The following PPT1 variants were observed in gnomAD, a reference collection of about 807,000 sequenced individuals.
PPT1 encodes palmitoyl-protein thioesterase 1.
Under a neutral mutation model 44.0 loss-of-function variants are expected in PPT1, and 24 were observed. The ratio of observed to expected loss-of-function variants is 0.54; its 90% CI spans 0.39 to 0.77. The LOEUF is 0.77. PPT1 is among the 30% of genes least tolerant of loss of function. The pLI is 0.00. For synonymous variants in PPT1, 148 were observed against 140.2 expected, an observed-to-expected ratio of 1.06 and a Z score of -0.39; for missense variants, 341 against 378.8, an observed-to-expected ratio of 0.90 and a Z score of 0.83.
intron 5 of PPT1, among the ~76,000 whole-genome samples, chr1:40,087,009 C>A (rs184503832): frequency 6.6e-6 from 1 of 152,156 alleles, no homozygotes; most frequent in Admixed American, 6.6e-5. Flanking sequence ...AAAATGATTT[C>A]TCTTTATTAC....
Position 40,074,121 on chromosome 1 carries a change from C to T in PPT1, c.861G>A (p.Gly287=), listed in dbSNP as rs1400950640. ...ATTCTTCAGACAACTGAAGATGGTC[C>T]CCTTCTGTAGCCAGAAACACTAGCT... ...AGQLVFLATE[G]DHLQLSEEWF... The change falls in exon 9 of 9, where the codon GGG becomes GGA. Residue 287 remains glycine, a synonymous_variant. Transcript: ENST00000642050. 1 of 1,613,992 alleles carries T rather than the reference C, an allele frequency of 6.2e-7. No individual in the cohort carries two copies. Among genetic ancestry groups the T allele is most frequent in the East Asian group, 2.2e-5 (1 of 44,892 alleles).
chr1:40,094,811 C>T (rs905723383), intron 1 of PPT1, among the ~76,000 whole-genome samples: 8 of 152,194 alleles, frequency 5.3e-5, no homozygotes, highest in East Asian at 1.9e-4. Context: ...CTGAAAACAA[C>T]GTTCTCCACA....
intron 7 of PPT1, among the ~76,000 whole-genome samples, chr1:40,077,141 G>A (rs1054844397): frequency 6.6e-5 from 10 of 152,196 alleles, no homozygotes; most frequent in Non-Finnish European, 1.5e-4. Context: ...CAGAATTTCT[G>A]CTTCCTAAAA....
Position 40,073,969 on chromosome 1 carries a change from C to T in PPT1, c.*92G>A. 1 of 1,541,934 alleles carries T rather than the reference C, an allele frequency of 6.5e-7. No individual in the cohort carries two copies. Among genetic ancestry groups the T allele is most frequent in the East Asian group, 2.2e-5 (1 of 44,472 alleles). ...TAGAAGGATTAGTTGCAAGCTGGAT[C>T]TGAGCTCAGGCTTGGGCATGAAGGA... On this transcript the variant is annotated 3_prime_UTR_variant, in exon 9 of 9. Coordinates refer to ENST00000642050, the MANE Select transcript of PPT1 (RefSeq NM_000310.4).
chr1:40,073,956 T>C lies in PPT1; in HGVS notation c.*105A>G. 2 of 1,471,654 alleles carry C rather than the reference T, an allele frequency of 1.4e-6. No homozygotes were observed. Among genetic ancestry groups the C allele is most frequent in the Non-Finnish European group, 1.9e-6 (2 of 1,059,028 alleles). 91.2% of individuals were successfully genotyped at this position (1,471,654 alleles called of 1,614,324 possible). A position where few individuals can be genotyped will look rare whatever the true frequency, so the allele number is the denominator to read the frequency against. On this transcript the variant is annotated 3_prime_UTR_variant, in exon 9 of 9. Transcript: ENST00000642050. The stretch of plus-strand genomic sequence containing the variant: ...GCATGTTAGATGATAGAAGGATTAG[T>C]TGCAAGCTGGATCTGAGCTCAGGCT...
Position 40,078,629 on chromosome 1 carries a change from C to G in PPT1, c.657G>C (p.Leu219=), listed in dbSNP as rs773591614. ...CCATCACAAACTTCTTCAGGGCCAT[C>G]AGGTTTTTCTTGTAGGACTCATTGA... The part of the protein sequence containing the change: ...RGINESYKKN[L]MALKKFVMVK... The change falls in exon 7 of 9, where the codon CTG becomes CTC. Residue 219 remains leucine, a synonymous_variant. Transcript: ENST00000642050. The G allele has an allele frequency of 1.0e-4, 162 of 1,613,782 alleles. No individual in the cohort carries two copies. Among genetic ancestry groups the G allele is most frequent in the Non-Finnish European group, 1.0e-4 (121 of 1,179,870 alleles).
chr1:40,090,095 C>T (rs1649472164), intron 4 of PPT1, among the ~76,000 whole-genome samples: 1 of 152,194 alleles, frequency 6.6e-6, no homozygotes, highest in South Asian at 2.1e-4. Context: ...CCAGAGCCCA[C>T]TCCTTTAAGC....
intron 5 of PPT1, 60 bp downstream of exon 5, chr1:40,089,350 G>C: frequency 7.9e-7 from 1 of 1,271,362 alleles, no homozygotes; most frequent in Non-Finnish European, 1.1e-6. Context: ...GAGCATGAAA[G>C]TCAGCATGAT....
At position 40,073,997 on chromosome 1, in the gene PPT1, C is replaced by CT; in HGVS notation, c.*63dup. 2 of 1,604,176 alleles carry CT rather than the reference C, an allele frequency of 1.2e-6. No homozygotes were observed. The highest frequency in any genetic ancestry group is 3.3e-5 in the Admixed American group (2 of 59,984). Reference sequence around the variant, plus strand: ...AGCTCAGGCTTGGGCATGAAGGAAACTGTCTCCCATGTGGTTTGGAAGAGT... The same window carrying CT: ...AGCTCAGGCTTGGGCATGAAGGAAACTTGTCTCCCATGTGGTTTGGAAGAGT... On this transcript the variant is annotated 3_prime_UTR_variant, in exon 9 of 9. Coordinates refer to ENST00000642050, the MANE Select transcript of PPT1 (RefSeq NM_000310.4).
chr1:40,080,348 A>G, intron 6 of PPT1, 49 bp downstream of exon 6: 1 of 1,554,312 alleles, frequency 6.4e-7, no homozygotes, highest in Admixed American at 1.7e-5. Flanking sequence ...ATGAAGACCT[A>G]AACAGGAAAA....
intron 1 of PPT1, among the ~76,000 whole-genome samples, chr1:40,094,439 G>C (rs79752328): frequency 6.6e-6 from 1 of 152,008 alleles, no homozygotes; most frequent in Non-Finnish European, 1.5e-5. Context: ...CTGCTGTGTG[G>C]CTAGTTCCTA....
chr1:40,085,717 T>G (rs1282292133), intron 5 of PPT1, among the ~76,000 whole-genome samples: 2 of 152,148 alleles, frequency 1.3e-5, no homozygotes, highest in African/African-American at 4.8e-5. Context: ...AGGCATGTAC[T>G]TTTTTTAGGC....
At chr1:40,089,609 A>G (rs1649450218) in intron 4 of PPT1, 97 bp from the exon 5 acceptor site, 1 of 865,910 alleles carries the variant, frequency 1.2e-6, no homozygotes, top group Admixed American at 1.9e-5. Flanking sequence ...GAACAGGACC[A>G]AACTCTGATT....
Position 40,073,674 on chromosome 1 carries a change from TC to T in PPT1, c.*386del, listed in dbSNP as rs1181365637. On this transcript the variant is annotated 3_prime_UTR_variant, in exon 9 of 9. Coordinates refer to ENST00000642050, the MANE Select transcript of PPT1 (RefSeq NM_000310.4). The stretch of plus-strand genomic sequence containing the variant: ...TGTGAGTACCTCAGGCCTGGGCACC[TC>T]TTTGCTTGAAATATGGCAAGACTTG... 1.6e-5 allele frequency: 4 copies of T among 249,196 alleles called. No individual in the cohort carries two copies. The highest frequency in any genetic ancestry group is 9.0e-5 in the African/African-American group (4 of 44,338). 15.4% of individuals were successfully genotyped at this position (249,196 alleles called of 1,614,324 possible). A position where few individuals can be genotyped will look rare whatever the true frequency, so the allele number is the denominator to read the frequency against.
chr1:40,089,623 T>C, intron 4 of PPT1, 111 bp from the exon 5 acceptor site: 1 of 783,616 alleles, frequency 1.3e-6, no homozygotes, highest in Non-Finnish European at 2.2e-6. Context: ...TCTGATTTCA[T>C]TCACTTATTC....
chr1:40,075,347 T>G (rs1258845518), intron 8 of PPT1: 1 of 152,180 alleles, frequency 6.6e-6, no homozygotes, highest in Non-Finnish European at 1.5e-5. Flanking sequence ...ACCCATAGCC[T>G]AGATGCTGGA....
At chr1:40,075,923 T>C (rs1231570305) in intron 8 of PPT1, among the ~76,000 whole-genome samples, 1 of 116,252 alleles carries the variant, frequency 8.6e-6, no homozygotes, top group Non-Finnish European at 1.6e-5. Flanking sequence ...ATCACACCAT[T>C]GCACTCCAGC....
chr1:40,082,621 T>C (rs558241559), intron 5 of PPT1, among the ~76,000 whole-genome samples: 4 of 152,212 alleles, frequency 2.6e-5, no homozygotes, highest in South Asian at 4.1e-4. Context: ...CAATGAAGGC[T>C]GAGAGAGGTG....
At chr1:40,074,247 T>C in intron 8 of PPT1, 64 bp from the exon 9 acceptor site, 1 of 1,589,826 alleles carries the variant, frequency 6.3e-7, no homozygotes, top group Non-Finnish European at 8.6e-7. Context: ...AAATGGTAAG[T>C]ACGTTAACTT....
Sources: gnomAD v4.1 joint callset for allele counts (sites outside exome capture counted in the v4.1 genomes callset) on GRCh38, gnomAD v4.1.1 for gene constraint, MANE v1.5 for transcripts, NCBI Gene and HGNC (gene_info 2026-07-23, HGNC 2026-07-21) for gene names.